Variants in PIP5K1B observed in about 807,000 individuals in gnomAD.
The protein encoded by PIP5K1B is phosphatidylinositol-4-phosphate 5-kinase type 1 beta.
A neutral mutation model predicts 67.0 loss-of-function variants in PIP5K1B; 42 were observed. The ratio of observed to expected loss-of-function variants is 0.63; its 90% confidence interval spans 0.49 to 0.81. The LOEUF (loss-of-function observed/expected upper bound fraction) is 0.81, where lower values mean the gene tolerates loss of function less well. Among genes scored for constraint, PIP5K1B ranks in the 30% least tolerant of loss-of-function variants. The pLI is 0.00. For synonymous variants in PIP5K1B, 214 were observed against 231.4 expected (o/e 0.92, Z 0.68); for missense variants, 459 against 646.3 (o/e 0.71, Z 3.14).
At chr9:68,763,314 A>G (rs111962781) in intron 2 of PIP5K1B, among the ~76,000 whole-genome samples, 2 of 152,256 alleles carry the variant, frequency 1.3e-5, no homozygotes, top group African/African-American at 2.4e-5. Flanking sequence ...CATGTGAATG[A>G]GGCAAAGCGT....
At chr9:68,871,493 A>G (rs1437662458) in intron 5 of PIP5K1B, among the ~76,000 whole-genome samples, 2 of 152,210 alleles carry the variant, frequency 1.3e-5, no homozygotes, top group African/African-American at 4.8e-5. Context: ...CCATTAAGAT[A>G]TATGTATTTT....
intron 14 of PIP5K1B, among the ~76,000 whole-genome samples, chr9:68,947,268 C>A (rs942696448): frequency 2.0e-5 from 3 of 152,210 alleles, no homozygotes; most frequent in Admixed American, 6.5e-5. Flanking sequence ...AGCTCTGCCA[C>A]GATACCTGCT....
intron 4 of PIP5K1B, among the ~76,000 whole-genome samples, chr9:68,824,818 CTTAGGAGT>C (rs1833902347): frequency 6.6e-6 from 1 of 152,136 alleles, no homozygotes. Context: ...TCATGGTGGA[CTTAGGAGT>C]TAGCTATTGC....
chr9:68,863,502 A>G (rs909890927), intron 4 of PIP5K1B, among the ~76,000 whole-genome samples: 6 of 152,226 alleles, frequency 3.9e-5, no homozygotes, highest in African/African-American at 1.4e-4. Flanking sequence ...TGATATTAGA[A>G]AAGTAGTAAA....
At chr9:68,795,589 G>C (rs891609041) in intron 2 of PIP5K1B, among the ~76,000 whole-genome samples, 1 of 152,158 alleles carries the variant, frequency 6.6e-6, no homozygotes, top group African/African-American at 2.4e-5. Flanking sequence ...TATGTGGAAT[G>C]GTTGCTCACA....
chr9:68,853,296 G>A (rs1027572846), intron 4 of PIP5K1B, among the ~76,000 whole-genome samples: 1 of 152,190 alleles, frequency 6.6e-6, no homozygotes, highest in African/African-American at 2.4e-5. Context: ...TGGGGAAGGA[G>A]GTGGTCTAAG....
At chr9:68,835,698 C>G (rs1316572484) in intron 4 of PIP5K1B, among the ~76,000 whole-genome samples, 1 of 152,190 alleles carries the variant, frequency 6.6e-6, no homozygotes, top group Non-Finnish European at 1.5e-5. Flanking sequence ...GGACCCCATT[C>G]TCCTTCTGTG....
At chr9:68,946,864 T>C (rs1013455136) in intron 14 of PIP5K1B, among the ~76,000 whole-genome samples, 7 of 152,232 alleles carry the variant, frequency 4.6e-5, no homozygotes, top group African/African-American at 1.7e-4. Context: ...GGCAAGTTAC[T>C]TGCTCGTCAT....
At chr9:68,997,237 T>C (rs564472491) in intron 15 of PIP5K1B, among the ~76,000 whole-genome samples, 6 of 152,344 alleles carry the variant, frequency 3.9e-5, no homozygotes, top group Admixed American at 1.3e-4. Context: ...TTAAATTAGG[T>C]CACAGGGGTC....
intron 4 of PIP5K1B, chr9:68,824,354 A>G (rs1231333557): frequency 2.1e-6 from 1 of 465,946 alleles, no homozygotes; most frequent in African/African-American, 2.0e-5. Flanking sequence ...TACCCTGCCC[A>G]AGAATTTATT....
chr9:68,780,801 C>A, intron 2 of PIP5K1B: 1 of 1,614,226 alleles, frequency 6.2e-7, no homozygotes, highest in East Asian at 2.2e-5. Flanking sequence ...AACTGAATAT[C>A]AGCCAAAGAG....
chr9:68,910,057 C>T (rs1225369420), intron 8 of PIP5K1B, among the ~76,000 whole-genome samples: 1 of 152,094 alleles, frequency 6.6e-6, no homozygotes, highest in Non-Finnish European at 1.5e-5. Context: ...ATCTTAGGGC[C>T]AGCACCAAGC....
chr9:68,999,063 T>C (rs1056238145), intron 15 of PIP5K1B, among the ~76,000 whole-genome samples: 1 of 152,200 alleles, frequency 6.6e-6, no homozygotes, highest in Non-Finnish European at 1.5e-5. Flanking sequence ...CCTCCCTCTT[T>C]TAGCCTCTGG....
chr9:68,818,732 T>G (rs893879564), intron 3 of PIP5K1B, among the ~76,000 whole-genome samples, 187 bp downstream of exon 3: 1 of 152,114 alleles, frequency 6.6e-6, no homozygotes, highest in Admixed American at 6.5e-5. Context: ...AATTTTGGCA[T>G]GCCAGAAGGG....
At chr9:68,867,660 T>A (rs1177990841) in intron 5 of PIP5K1B, among the ~76,000 whole-genome samples, 2 of 152,218 alleles carry the variant, frequency 1.3e-5, no homozygotes, top group Non-Finnish European at 2.9e-5. Context: ...TATATACACA[T>A]GTGTAAAAGT....
intron 13 of PIP5K1B, among the ~76,000 whole-genome samples, chr9:68,938,462 C>T (rs1827385834): frequency 6.6e-6 from 1 of 152,078 alleles, no homozygotes; most frequent in Admixed American, 6.6e-5. Context: ...AAATATTCCT[C>T]CATCCCTTTA....
At chr9:68,965,077 T>G (rs112154148) in intron 14 of PIP5K1B, among the ~76,000 whole-genome samples, 2 of 152,228 alleles carry the variant, frequency 1.3e-5, no homozygotes, top group Non-Finnish European at 2.9e-5. Flanking sequence ...ACAGGTAACC[T>G]AGCATAGAAG....
intron 2 of PIP5K1B, among the ~76,000 whole-genome samples, chr9:68,761,381 T>G (rs755204575): frequency 1.7e-4 from 26 of 152,128 alleles, no homozygotes; most frequent in Non-Finnish European, 3.5e-4. Flanking sequence ...AATACTCACA[T>G]GCTTTAGAGA....
At chr9:68,801,102 T>C (rs1832577983) in intron 2 of PIP5K1B, among the ~76,000 whole-genome samples, 1 of 152,202 alleles carries the variant, frequency 6.6e-6, no homozygotes, top group South Asian at 2.1e-4. Flanking sequence ...ATTGCTCTGT[T>C]CCCAGATGCC....
Sources: gnomAD v4.1 joint callset for allele counts (sites outside exome capture counted in the v4.1 genomes callset) on GRCh38, gnomAD v4.1.1 for gene constraint, MANE v1.5 for transcripts, NCBI Gene and HGNC (gene_info 2026-07-23, HGNC 2026-07-21) for gene names.